The following PPFIBP2 variants were observed in gnomAD, a reference collection of about 807,000 sequenced individuals.
The protein encoded by PPFIBP2 is PPFIB scaffold protein 2.
In PPFIBP2, 118 loss-of-function variants were observed where a neutral mutation model predicts 118.3. The observed-to-expected ratio is 1.00, with a 90% CI of 0.86 to 1.16. The LOEUF (loss-of-function observed/expected upper bound fraction) is 1.16. PPFIBP2 is among the 50% of genes most tolerant of loss of function. The pLI, the probability that PPFIBP2 is intolerant of heterozygous loss-of-function variation, is 0.00. For missense variants in PPFIBP2, 1,195 were observed against 1,073.1 expected (o/e 1.11, Z -1.59); for synonymous variants, 414 against 397.4 (o/e 1.04, Z -0.50).
the PPFIBP2 span, chr11:7,665,865 G>A: frequency 2.5e-5 from 39 of 1,535,966 alleles, no homozygotes; most frequent in Middle Eastern, 3.3e-4. Context: ...GGAGTTGTCC[G>A]GCAGGGTGTG....
chr11:7,586,744 T>A (rs1217510976), intron 3 of PPFIBP2, among the ~76,000 whole-genome samples: 1 of 152,108 alleles, frequency 6.6e-6, no homozygotes, highest in African/African-American at 2.4e-5. Context: ...ATTCTGTAAA[T>A]GAATATGGAA....
At chr11:7,559,202 T>C (rs758431480) in intron 2 of PPFIBP2, among the ~76,000 whole-genome samples, 2 of 152,220 alleles carry the variant, frequency 1.3e-5, no homozygotes, top group Non-Finnish European at 1.5e-5. Flanking sequence ...GAATTACCCT[T>C]TTCTGAGAAA....
At chr11:7,553,815 C>T (rs1235985117) in intron 2 of PPFIBP2, among the ~76,000 whole-genome samples, 5 of 152,078 alleles carry the variant, frequency 3.3e-5, no homozygotes, top group Admixed American at 1.3e-4. Flanking sequence ...ATTCCAGGGC[C>T]ATCTGAGTCT....
chr11:7,547,994 T>C lies in PPFIBP2; in HGVS notation c.-36-1446T>C, dbSNP rs552602805. ...AGTTTCCTCTGAGCTGGCAAAAATA[T>C]GTCCTGATGTTATATCCTCACTTAA... is the stretch of plus-strand genomic sequence containing the variant. On this transcript the variant is annotated intron_variant, in intron 1 of 23. Coordinates refer to ENST00000299492, the MANE Select transcript of PPFIBP2 (RefSeq NM_003621.5). Among the ~76,000 whole-genome samples, 4 of 152,280 alleles carry C rather than the reference T, an allele frequency of 2.6e-5. No individual in the cohort carries two copies. The South Asian group carries it at 8.3e-4, about 32-fold the overall frequency.
chr11:7,624,711 G>A (rs1328810427), intron 7 of PPFIBP2, among the ~76,000 whole-genome samples: 1 of 152,208 alleles, frequency 6.6e-6, no homozygotes, highest in Non-Finnish European at 1.5e-5. Flanking sequence ...GAAAAGAATA[G>A]GATGAGAGGA....
chr11:7,627,030 G>A (rs540814837), intron 8 of PPFIBP2, among the ~76,000 whole-genome samples: 1 of 152,206 alleles, frequency 6.6e-6, no homozygotes, highest in Non-Finnish European at 1.5e-5. Flanking sequence ...AGACACCCTG[G>A]ACTATCTCTG....
At chr11:7,604,739 G>A (rs1847134552) in intron 5 of PPFIBP2, among the ~76,000 whole-genome samples, 2 of 152,238 alleles carry the variant, frequency 1.3e-5, no homozygotes, top group South Asian at 4.1e-4. Context: ...GGAGCTGATG[G>A]TGAGGGAGAG....
At chr11:7,628,592 C>A (rs1850331319) in intron 9 of PPFIBP2, among the ~76,000 whole-genome samples, 2 of 152,172 alleles carry the variant, frequency 1.3e-5, no homozygotes. Context: ...CCTGTTCCTG[C>A]TGGTGTGGGG....
At chr11:7,633,166 C>G (rs1449986658) in intron 12 of PPFIBP2, among the ~76,000 whole-genome samples, 2 of 152,098 alleles carry the variant, frequency 1.3e-5, no homozygotes, top group Admixed American at 6.5e-5. Flanking sequence ...AGGATCTGGC[C>G]AAGGATTAGA....
At chr11:7,662,976 C>G in the PPFIBP2 span, among the ~76,000 whole-genome samples, 2 of 138,740 alleles carry the variant, frequency 1.4e-5, no homozygotes, top group African/African-American at 5.0e-5. Flanking sequence ...ACGTAGTTCT[C>G]AAGCCTTGGT....
chr11:7,525,494 C>CT (rs1850145803), intron 1 of PPFIBP2, among the ~76,000 whole-genome samples: 1 of 152,196 alleles, frequency 6.6e-6, no homozygotes, highest in African/African-American at 2.4e-5. Context: ...ATGCTCTGGG[C>CT]TTCCAGGTAT....
intron 5 of PPFIBP2, among the ~76,000 whole-genome samples, chr11:7,600,756 C>G (rs1266648376): frequency 5.3e-5 from 8 of 152,236 alleles, no homozygotes; most frequent in Non-Finnish European, 7.3e-5. Context: ...AAGGCAGCAG[C>G]TGCTGTTCTA....
At chr11:7,520,058 G>A (rs912322753) in intron 1 of PPFIBP2, among the ~76,000 whole-genome samples, 15 of 152,230 alleles carry the variant, frequency 9.9e-5, no homozygotes, top group East Asian at 7.7e-4. Context: ...CCCAGGTTTC[G>A]GCACCAGATG....
chr11:7,637,535 G>A (rs1851608200), intron 14 of PPFIBP2, among the ~76,000 whole-genome samples: 1 of 152,190 alleles, frequency 6.6e-6, no homozygotes, highest in Admixed American at 6.5e-5. Context: ...CAAAGCCTAG[G>A]CCCTTTCCAC....
At position 7,634,538 on chromosome 11, in the gene PPFIBP2, G is replaced by T; in HGVS notation, c.1180G>T (p.Glu394Ter). The T allele has an allele frequency of 6.2e-7, 1 of 1,613,496 alleles. No homozygotes were observed. The highest frequency in any genetic ancestry group is 2.2e-5 in the East Asian group (1 of 44,868). Residue 394 changes from glutamate (E) to a stop codon, truncating the protein, a stop_gained, in exon 13 of 24, where the codon GAA becomes TAA. Transcript: ENST00000299492. LOFTEE classifies it high-confidence loss of function. Reference protein sequence around the residue: ...LSCSLEDLRSESVDKCMDGNQ... With the variant: ...LSCSLEDLRS ...TTGTAGTCTAGAAGACTTGAGAAGT[G>T]AATCTGTGGATAAGGTCGGCTCATC...
chr11:7,524,734 G>A (rs1850069246), intron 1 of PPFIBP2, among the ~76,000 whole-genome samples: 1 of 152,056 alleles, frequency 6.6e-6, no homozygotes, highest in African/African-American at 2.4e-5. Flanking sequence ...TATGAGCAAT[G>A]GGGGCAGAAA....
chr11:7,536,681 A>T (rs1381271748), intron 1 of PPFIBP2, among the ~76,000 whole-genome samples: 1 of 152,112 alleles, frequency 6.6e-6, no homozygotes, highest in South Asian at 2.1e-4. Flanking sequence ...AGGCGCATGA[A>T]TGTCTGATGG....
In PPFIBP2 at chr11:7,629,525, GT is replaced by G; in HGVS notation, c.956del (p.Val319AlafsTer70). 6.2e-7 allele frequency: 1 copy of G among 1,614,104 alleles called. No homozygotes were observed. Among genetic ancestry groups the G allele is most frequent in the Non-Finnish European group, 8.5e-7 (1 of 1,179,954 alleles). On this transcript the variant is annotated frameshift_variant, in exon 10 of 24. Transcript: ENST00000299492. LOFTEE classifies it high-confidence loss of function. ...QYRKVKEIVM[V>X]TQGPSERTLS... is the part of the protein sequence containing the mutation. ...CCGGAAGGTAAAGGAGATTGTGATGGTCACTCAAGGTAAGAGCAAGGGCGAT... is the reference window on the plus strand; with the variant it reads ...CCGGAAGGTAAAGGAGATTGTGATGGCACTCAAGGTAAGAGCAAGGGCGAT...
chr11:7,600,423 A>C (rs550050000), intron 5 of PPFIBP2, among the ~76,000 whole-genome samples: 1 of 152,322 alleles, frequency 6.6e-6, no homozygotes, highest in East Asian at 1.9e-4. Context: ...GGCTTGGAGT[A>C]TGTGTGTATT....
Sources: gnomAD v4.1 joint callset for allele counts (sites outside exome capture counted in the v4.1 genomes callset) on GRCh38, gnomAD v4.1.1 for gene constraint, MANE v1.5 for transcripts, NCBI Gene and HGNC (gene_info 2026-07-23, HGNC 2026-07-21) for gene names.